ADGRL2: variants seen among roughly 807,000 people sequenced by gnomAD.
ADGRL2 encodes the protein calcium-independent alpha-latrotoxin receptor 2.
ADGRL2 carries 44 observed loss-of-function variants against 157.4 expected under a neutral mutation model. The ratio of observed to expected loss-of-function variants is 0.28; its 90% CI spans 0.22 to 0.36. The LOEUF is 0.36. Ranked by LOEUF, ADGRL2 falls within the 10% of genes least tolerant of loss-of-function variation. The pLI is 1.00. For synonymous variants in ADGRL2, 585 were observed against 624.7 expected, an observed-to-expected ratio of 0.94 and a Z score of 0.95; for missense variants, 1,510 against 1,768.9, an observed-to-expected ratio of 0.85 and a Z score of 2.63.
chr1:81,390,357 T>G (rs72939038), intron 1 of ADGRL2, among the ~76,000 whole-genome samples: 1 of 152,212 alleles, frequency 6.6e-6, no homozygotes, highest in Non-Finnish European at 1.5e-5. Flanking sequence ...TTGGGAGAGC[T>G]GCAGAATAAC....
chr1:81,848,822 C>T (rs960338499), intron 2 of ADGRL2, among the ~76,000 whole-genome samples: 7 of 151,872 alleles, frequency 4.6e-5, no homozygotes, highest in African/African-American at 1.7e-4. Context: ...GTCAGAACAC[C>T]GAAAACCTGT....
At position 81,608,111 on chromosome 1, in the gene ADGRL2, C is replaced by CT. The variant is rs1418494407; in HGVS notation, c.-143+27137dup. On this transcript the variant is annotated intron_variant, in intron 3 of 24. Coordinates refer to the ADGRL2 transcript ENST00000370721. ...CTGTACTGGCAACTCTCGTGGGTTC[C>CT]TTTTTTCTGCTACACTGAGTGGCAC... 2.7e-4 allele frequency among the ~76,000 whole-genome samples: 41 copies of CT among 152,164 alleles called. 1 individual carries two copies. The highest frequency in any genetic ancestry group is 4.4e-5 in the Non-Finnish European group (3 of 68,018).
intron 3 of ADGRL2, among the ~76,000 whole-genome samples, chr1:81,934,918 T>C (rs571194343): frequency 8.4e-4 from 127 of 152,086 alleles, no homozygotes; most frequent in African/African-American, 2.9e-3. Context: ...CTTTTGTTTT[T>C]AATGGGACCA....
At chr1:81,791,592 G>A (rs1279799769) in intron 2 of ADGRL2, among the ~76,000 whole-genome samples, 2 of 151,620 alleles carry the variant, frequency 1.3e-5, no homozygotes, top group African/African-American at 2.4e-5. Flanking sequence ...GTGGAACAGT[G>A]GCACACAGGA....
chr1:81,317,517 A>T (rs1660190553), intron 1 of ADGRL2, among the ~76,000 whole-genome samples: 2 of 152,144 alleles, frequency 1.3e-5, no homozygotes, highest in Admixed American at 1.3e-4. Context: ...ATGTTTTGAG[A>T]GTTGTATGTT....
Position 81,895,581 on chromosome 1 carries a change from G to A in ADGRL2, c.74-11436G>A, listed in dbSNP as rs181881932. 7.6e-4 allele frequency among the ~76,000 whole-genome samples: 116 copies of A among 151,856 alleles called. No homozygotes were observed. The East Asian group carries it at 0.016, about 21-fold the overall frequency. On this transcript the variant is annotated intron_variant, in intron 2 of 23. Coordinates refer to ENST00000686636, the MANE Select transcript of ADGRL2 (RefSeq NM_001366006.2). Reference sequence around the variant, plus strand: ...CTAATTTTTTTGTATTTTTAGTAGAGACGGGGTTTCACCATGTTGGCCAGG... The same window carrying A: ...CTAATTTTTTTGTATTTTTAGTAGAAACGGGGTTTCACCATGTTGGCCAGG...
intron 2 of ADGRL2, among the ~76,000 whole-genome samples, chr1:81,891,086 A>T (rs1215860652): frequency 6.6e-6 from 1 of 151,852 alleles, no homozygotes; most frequent in East Asian, 1.9e-4. Context: ...ATTTCCCCCC[A>T]TGCATGTATA....
chr1:81,776,122 C>T (rs2086571169), intron 2 of ADGRL2, among the ~76,000 whole-genome samples: 1 of 152,032 alleles, frequency 6.6e-6, no homozygotes, highest in South Asian at 2.1e-4. Context: ...CATGATATTA[C>T]CTCTGAAAAA....
intron 2 of ADGRL2, among the ~76,000 whole-genome samples, chr1:81,855,186 C>A (rs1295693759): frequency 6.6e-6 from 1 of 152,100 alleles, no homozygotes; most frequent in African/African-American, 2.4e-5. Flanking sequence ...TGCCTGTAAT[C>A]CCAGCACTTT....
rs527252333 is a variant in ADGRL2, at chr1:81,483,121, A to T, written c.-248+38032A>T. 1.2e-4 allele frequency among the ~76,000 whole-genome samples: 19 copies of T among 152,298 alleles called. No individual in the cohort carries two copies. The South Asian group carries it at 3.7e-3, about 30-fold the overall frequency. ...AGACTCACCAATAGAAGAACTCTTC[A>T]TTAGCTGTTTTATGAAACTGAAACC... On this transcript the variant is annotated intron_variant, in intron 2 of 24. Transcript: ENST00000370721.
chr1:81,752,704 A>G (rs561529303), intron 1 of ADGRL2, among the ~76,000 whole-genome samples: 1 of 152,260 alleles, frequency 6.6e-6, no homozygotes, highest in South Asian at 2.1e-4. Flanking sequence ...TTGTAGACAC[A>G]GGGTTTTGCC....
chr1:81,425,258 A>T (rs912829560), intron 1 of ADGRL2, among the ~76,000 whole-genome samples: 5 of 152,148 alleles, frequency 3.3e-5, no homozygotes, highest in African/African-American at 7.2e-5. Flanking sequence ...ACAATCACGT[A>T]CCCATGCATG....
intron 1 of ADGRL2, among the ~76,000 whole-genome samples, chr1:81,810,367 A>T (rs1252147945): frequency 6.6e-6 from 1 of 151,378 alleles, no homozygotes; most frequent in South Asian, 2.1e-4. Context: ...CTGTGTCTTT[A>T]CTTTGAAGCA....
intron 1 of ADGRL2, among the ~76,000 whole-genome samples, chr1:81,429,887 TTTG>T (rs1334222143): frequency 8.5e-5 from 13 of 152,062 alleles, no homozygotes; most frequent in South Asian, 2.1e-4. Flanking sequence ...TGTTTTTTGT[TTTG>T]TTGTTGTTGT....
chr1:81,963,522 G>C (rs1656117746), intron 11 of ADGRL2, among the ~76,000 whole-genome samples: 1 of 151,818 alleles, frequency 6.6e-6, no homozygotes, highest in African/African-American at 2.4e-5. Context: ...GATACATAAA[G>C]GTTTAGCCTT....
chr1:81,725,598 A>G (rs2084496530), intron 1 of ADGRL2, among the ~76,000 whole-genome samples: 1 of 152,040 alleles, frequency 6.6e-6, no homozygotes, highest in Admixed American at 6.6e-5. Context: ...GTGTTATGTT[A>G]ACATATGTTC....
chr1:81,575,080 C>G (rs745673805), intron 2 of ADGRL2, among the ~76,000 whole-genome samples: 6 of 152,144 alleles, frequency 3.9e-5, no homozygotes, highest in Non-Finnish European at 7.4e-5. Context: ...CCATACAATA[C>G]CTTTAGTTTT....
chr1:81,663,727 T>C (rs1460943731), intron 3 of ADGRL2, among the ~76,000 whole-genome samples: 1 of 152,194 alleles, frequency 6.6e-6, no homozygotes, highest in Non-Finnish European at 1.5e-5. Flanking sequence ...GTCTTGCTAT[T>C]AAATCTCCCA....
chr1:81,930,263 T>TAATGAA (rs1491233646), intron 3 of ADGRL2, among the ~76,000 whole-genome samples: 1 of 152,196 alleles, frequency 6.6e-6, no homozygotes, highest in Non-Finnish European at 1.5e-5. Flanking sequence ...AATGAGGCAC[T>TAATGAA]ATGTCTCAAA....
Sources: allele counts gnomAD v4.1 joint callset (sites outside exome capture counted in the v4.1 genomes callset), GRCh38; gene constraint gnomAD v4.1.1; transcripts MANE v1.5; gene names NCBI Gene and HGNC (gene_info 2026-07-23, HGNC 2026-07-21).